Variants in RPGRIP1L observed in about 807,000 individuals in gnomAD.
The protein encoded by RPGRIP1L is RPGRIP1 like.
Under a neutral mutation model 160.4 loss-of-function variants are expected in RPGRIP1L, and 131 were observed. The ratio of observed to expected loss-of-function variants is 0.82; its 90% CI spans 0.71 to 0.94. The LOEUF is 0.94. RPGRIP1L is among the 40% of genes least tolerant of loss of function. RPGRIP1L has a pLI of 0.00. For missense variants in RPGRIP1L, 1,522 were observed against 1,535.8 expected (o/e 0.99, Z 0.15); for synonymous variants, 510 against 515.8 (o/e 0.99, Z 0.15).
intron 10 of RPGRIP1L, among the ~76,000 whole-genome samples, chr16:53,662,249 AAT>A (rs1021422035): frequency 6.6e-6 from 1 of 152,170 alleles, no homozygotes; most frequent in African/African-American, 2.4e-5. Flanking sequence ...AGCTGTGATC[AAT>A]ATAACCATAT....
chr16:53,677,905 C>T (rs1425226932), intron 6 of RPGRIP1L, among the ~76,000 whole-genome samples: 1 of 152,156 alleles, frequency 6.6e-6, no homozygotes, highest in Non-Finnish European at 1.5e-5. Flanking sequence ...AGGATGATGA[C>T]ATTCTAACAG....
At chr16:53,641,178 TTTAGCTA>T in intron 18 of RPGRIP1L, 62 bp from the exon 19 acceptor site, 1 of 1,536,222 alleles carries the variant, frequency 6.5e-7, no homozygotes, top group African/African-American at 1.4e-5. Flanking sequence ...CAGATAAGAC[TTTAGCTA>T]TTATTATTAT....
intron 22 of RPGRIP1L, among the ~76,000 whole-genome samples, chr16:53,632,552 A>G (rs945592456): frequency 3.9e-5 from 6 of 152,102 alleles, no homozygotes; most frequent in Non-Finnish European, 8.8e-5. Context: ...AATGCCCACT[A>G]CATATATATC....
At chr16:53,649,718 T>C (rs2151106408) in intron 15 of RPGRIP1L, among the ~76,000 whole-genome samples, 1 of 152,302 alleles carries the variant, frequency 6.6e-6, no homozygotes, top group East Asian at 1.9e-4. Flanking sequence ...CTCTCTTCCA[T>C]GGGGAAGACT....
rs550249623 is a variant in RPGRIP1L, at chr16:53,622,018, G to A, written c.3432+201C>T. On this transcript the variant is annotated intron_variant, in intron 23 of 26. Transcript: ENST00000647211. ...AGCCTGGCAGACAGAGCAAGACTCCGTCTCAAAAAAAAAAAAAAAAAAAAA... is the reference window on the plus strand; with the variant it reads ...AGCCTGGCAGACAGAGCAAGACTCCATCTCAAAAAAAAAAAAAAAAAAAAA... Among the ~76,000 whole-genome samples, 6 of 67,786 alleles carry A rather than the reference G, an allele frequency of 8.9e-5. No homozygotes were observed. In the East Asian group the frequency reaches 2.2e-3, roughly 25 times the overall value. The allele number at this position is 67,786 out of a possible 152,430, so 44.5% of individuals were successfully genotyped here.
At chr16:53,684,390 A>T (rs1375193399) in intron 6 of RPGRIP1L, among the ~76,000 whole-genome samples, 1 of 152,224 alleles carries the variant, frequency 6.6e-6, no homozygotes, top group African/African-American at 2.4e-5. Flanking sequence ...TGGCACATAT[A>T]CACCATGGAA....
chr16:53,615,491 T>TTTTTTA (rs1964317778), intron 24 of RPGRIP1L, among the ~76,000 whole-genome samples: 1 of 127,106 alleles, frequency 7.9e-6, no homozygotes, highest in African/African-American at 2.7e-5. Context: ...TTTTTTTTTT[T>TTTTTTA]GAGATGGAGT....
intron 11 of RPGRIP1L, 95 bp downstream of exon 11, chr16:53,658,677 G>A (rs1335101700): frequency 6.6e-6 from 6 of 902,976 alleles, no homozygotes; most frequent in Non-Finnish European, 7.1e-6. Context: ...TAATATATCT[G>A]TATGCTTTCG....
At position 53,625,658 on chromosome 16, in the gene RPGRIP1L, T is replaced by C. The variant is rs539688011; in HGVS notation, c.3295-3302A>G. 5.9e-5 allele frequency among the ~76,000 whole-genome samples: 9 copies of C among 152,158 alleles called. No homozygotes were observed. The South Asian group carries it at 1.7e-3, about 28-fold the overall frequency. ...CTGGGACGTGTACCCAACGGCTCAT[T>C]GAGAACGGGCCATGATGAGGATGGC... On this transcript the variant is annotated intron_variant, in intron 22 of 26. Coordinates refer to ENST00000647211, the MANE Select transcript of RPGRIP1L (RefSeq NM_015272.5).
rs1213772384 is a variant in RPGRIP1L, at chr16:53,652,728, G to A, written c.1959C>T (p.Pro653=). ...QTTPVVRGLH[P]EYNFTSQYLV... is the part of the protein sequence containing the mutation. ...GATATTGAGAAGTGAAGTTATATTC[G>A]GGATGAAGGCCTCGCACTACGGGAG... The change falls in exon 15 of 27, where the codon CCC becomes CCT. Residue 653 remains proline (P), a synonymous_variant. Coordinates refer to ENST00000647211, the MANE Select transcript of RPGRIP1L (RefSeq NM_015272.5). 3.7e-6 allele frequency: 6 copies of A among 1,614,012 alleles called. No homozygotes were observed. Among genetic ancestry groups the A allele is most frequent in the South Asian group, 1.1e-5 (1 of 91,068 alleles).
At position 53,645,885 on chromosome 16, in the gene RPGRIP1L, T is replaced by C; in HGVS notation, c.2423A>G (p.His808Arg). The C allele has an allele frequency of 1.2e-6, 2 of 1,614,154 alleles. No homozygotes were observed. The highest frequency in any genetic ancestry group is 1.7e-6 in the Non-Finnish European group (2 of 1,180,020). ...CCNHLQSRAS[H>R]LQPHPYVVYK... is the part of the protein sequence containing the mutation. ...CACAACATATGGGTGTGGCTGCAGG[T>C]GGCTTGCTCGGGACTGCAGGTGGTT... The change falls in exon 17 of 27, where the codon CAC (histidine) becomes CGC (arginine). Residue 808 changes from histidine (H) to arginine (R), a missense_variant. Coordinates refer to ENST00000647211, the MANE Select transcript of RPGRIP1L (RefSeq NM_015272.5).
At chr16:53,694,128 G>C (rs78796530) in intron 3 of RPGRIP1L, 2 of 152,040 alleles carry the variant, frequency 1.3e-5, no homozygotes, top group Admixed American at 6.6e-5. Context: ...CAAAGTCTGA[G>C]TGCTTATTTA....
intron 15 of RPGRIP1L, among the ~76,000 whole-genome samples, chr16:53,649,397 T>C (rs1966795781): frequency 6.6e-6 from 1 of 152,238 alleles, no homozygotes; most frequent in South Asian, 2.1e-4. Flanking sequence ...AAATATATTT[T>C]AAAAATCTAA....
chr16:53,698,427 C>T (rs1429810376), intron 2 of RPGRIP1L, among the ~76,000 whole-genome samples: 18 of 147,918 alleles, frequency 1.2e-4, no homozygotes, highest in Middle Eastern at 3.6e-3. Context: ...CGCCTCTGCC[C>T]GGCCACTCCT....
chr16:53,646,775 C>T (rs970808836), intron 16 of RPGRIP1L, among the ~76,000 whole-genome samples: 1 of 152,106 alleles, frequency 6.6e-6, no homozygotes, highest in African/African-American at 2.4e-5. Flanking sequence ...CAAAGGCATC[C>T]CTCTGCATTT....
chr16:53,633,855 A>G (rs1286940704), intron 22 of RPGRIP1L, among the ~76,000 whole-genome samples: 2 of 152,208 alleles, frequency 1.3e-5, no homozygotes, highest in Non-Finnish European at 2.9e-5. Context: ...CACTTTTGCA[A>G]TCTTTAAAGA....
intron 9 of RPGRIP1L, among the ~76,000 whole-genome samples, chr16:53,668,200 T>C (rs548148210): frequency 2.6e-5 from 4 of 152,236 alleles, no homozygotes; most frequent in East Asian, 3.9e-4. Flanking sequence ...CTGGGAAGCA[T>C]AAGCTGCTCA....
chr16:53,648,849 G>C (rs1200935448), intron 16 of RPGRIP1L, 115 bp downstream of exon 16: 3 of 958,866 alleles, frequency 3.1e-6, no homozygotes, highest in Non-Finnish European at 4.9e-6. Flanking sequence ...CAAAATAAAA[G>C]TTAAAAAAAG....
At chr16:53,698,376 GC>G (rs576476254) in intron 2 of RPGRIP1L, among the ~76,000 whole-genome samples, 4,574 of 134,266 alleles carry the variant, frequency 0.034, 436 homozygotes, top group African/African-American at 0.13. Context: ...TGGGGGGTCA[GC>G]CCCCCGCCCG....
Sources: gnomAD v4.1 joint callset for allele counts (sites outside exome capture counted in the v4.1 genomes callset) on GRCh38, gnomAD v4.1.1 for gene constraint, MANE v1.5 for transcripts, NCBI Gene and HGNC (gene_info 2026-07-23, HGNC 2026-07-21) for gene names.